PIK3C2G: variants seen among roughly 807,000 people sequenced by gnomAD.
PIK3C2G encodes the protein phosphatidylinositol-4-phosphate 3-kinase catalytic subunit type 2 gamma, also known as phosphatidylinositol 3-kinase C2 domain-containing subunit gamma.
PIK3C2G carries 168 observed loss-of-function variants against 181.1 expected under a neutral mutation model. The observed-to-expected ratio is 0.93, with a 90% CI of 0.82 to 1.05. The LOEUF (loss-of-function observed/expected upper bound fraction) is 1.05, where lower values mean the gene tolerates loss of function less well. Ranked by LOEUF, PIK3C2G falls within the 50% of genes least tolerant of loss-of-function variation. The pLI, the probability that PIK3C2G is intolerant of heterozygous loss-of-function variation, is 0.00. For synonymous variants in PIK3C2G, 573 were observed against 592.2 expected, an observed-to-expected ratio of 0.97 and a Z score of 0.47; for missense variants, 1,869 against 1,732.8, an observed-to-expected ratio of 1.08 and a Z score of -1.40.
chr12:18,253,912 C>T (rs960946264), intron 1 of PIK3C2G, among the ~76,000 whole-genome samples: 1 of 150,252 alleles, frequency 6.7e-6, no homozygotes, highest in Non-Finnish European at 1.5e-5. Context: ...CATCTCATTC[C>T]TCAGATTGCA....
At chr12:18,385,404 A>G (rs1943100726) in intron 14 of PIK3C2G, among the ~76,000 whole-genome samples, 1 of 152,130 alleles carries the variant, frequency 6.6e-6, no homozygotes, top group Non-Finnish European at 1.5e-5. Flanking sequence ...AAGTGGAGGC[A>G]GATAATACAT....
intron 15 of PIK3C2G, 53 bp from the exon 16 acceptor site, chr12:18,399,606 T>C: frequency 8.8e-7 from 1 of 1,135,794 alleles, no homozygotes; most frequent in Non-Finnish European, 1.2e-6. Flanking sequence ...TATAGCAACA[T>C]TTGTTAGTGC....
At chr12:18,398,467 G>A (rs562888175) in intron 15 of PIK3C2G, among the ~76,000 whole-genome samples, 1 of 152,242 alleles carries the variant, frequency 6.6e-6, no homozygotes, top group South Asian at 2.1e-4. Flanking sequence ...ATGAATTATA[G>A]AGAAAGATAG....
chr12:18,401,466 G>C (rs534592155), intron 16 of PIK3C2G, among the ~76,000 whole-genome samples: 1 of 152,170 alleles, frequency 6.6e-6, no homozygotes, highest in East Asian at 1.9e-4. Context: ...CTGTAAAATT[G>C]TTATGCTAAA....
chr12:18,571,411 C>T (rs1281046168), intron 29 of PIK3C2G, among the ~76,000 whole-genome samples: 1 of 150,626 alleles, frequency 6.6e-6, no homozygotes, highest in African/African-American at 2.5e-5. Flanking sequence ...GTCATCTTGA[C>T]TGGTTTTTGT....
the PIK3C2G span, among the ~76,000 whole-genome samples, chr12:18,663,647 A>G: frequency 6.6e-6 from 1 of 152,188 alleles, no homozygotes; most frequent in Non-Finnish European, 1.5e-5. Context: ...AACTCTTAGA[A>G]AAAAAAACAT....
chr12:18,476,221 A>T (rs909025240), intron 18 of PIK3C2G, among the ~76,000 whole-genome samples: 1 of 152,202 alleles, frequency 6.6e-6, no homozygotes, highest in Non-Finnish European at 1.5e-5. Flanking sequence ...ACATTAAAAG[A>T]TACACAGATG....
intron 29 of PIK3C2G, among the ~76,000 whole-genome samples, chr12:18,572,837 A>G (rs191880818): frequency 1.5e-5 from 2 of 137,756 alleles, no homozygotes; most frequent in Non-Finnish European, 2.9e-5. Flanking sequence ...CTTCTGGGTT[A>G]TTAATTCTCT....
chr12:18,272,757 A>G (rs1263108813), intron 1 of PIK3C2G, among the ~76,000 whole-genome samples: 3 of 152,112 alleles, frequency 2.0e-5, no homozygotes, highest in Non-Finnish European at 4.4e-5. Context: ...CTATTGATGT[A>G]CCCTCATATT....
At chr12:18,537,049 G>C (rs1279810333) in intron 24 of PIK3C2G, among the ~76,000 whole-genome samples, 1 of 151,842 alleles carries the variant, frequency 6.6e-6, no homozygotes, top group Non-Finnish European at 1.5e-5. Flanking sequence ...TAAAGATTTT[G>C]CCTGCAATTA....
Position 18,466,506 on chromosome 12 carries a change from A to G in PIK3C2G, c.2505-21943A>G, listed in dbSNP as rs180838753. Reference sequence around the variant, plus strand: ...AACCCTTTTTAAAAGGAAGTTTTACACCACACAATAATATATACATTTTAA... The same window carrying G: ...AACCCTTTTTAAAAGGAAGTTTTACGCCACACAATAATATATACATTTTAA... On this transcript the variant is annotated intron_variant, in intron 18 of 32. Transcript: ENST00000538779. Among the ~76,000 whole-genome samples, 85 of 152,088 alleles carry G rather than the reference A, an allele frequency of 5.6e-4. No individual in the cohort carries two copies. The East Asian group carries it at 0.015, about 27-fold the overall frequency.
At chr12:18,400,904 T>C (rs1201122538) in intron 16 of PIK3C2G, among the ~76,000 whole-genome samples, 1 of 152,064 alleles carries the variant, frequency 6.6e-6, no homozygotes, top group Non-Finnish European at 1.5e-5. Context: ...TATTTGTTTC[T>C]ATTTGAGCTT....
chr12:18,724,031 A>G, the PIK3C2G span, among the ~76,000 whole-genome samples: 1 of 152,124 alleles, frequency 6.6e-6, no homozygotes, highest in Non-Finnish European at 1.5e-5. Flanking sequence ...TACAAACAAG[A>G]TGAGTTCCAA....
intron 25 of PIK3C2G, among the ~76,000 whole-genome samples, chr12:18,544,551 G>T (rs980304641): frequency 6.6e-6 from 1 of 151,812 alleles, no homozygotes; most frequent in Admixed American, 6.6e-5. Context: ...CTGCTGAGGA[G>T]TGTTTTTAAT....
chr12:18,244,153 T>G (rs1948015147), upstream of PIK3C2G, among the ~76,000 whole-genome samples: 1 of 152,002 alleles, frequency 6.6e-6, no homozygotes, highest in Non-Finnish European at 1.5e-5. Flanking sequence ...CAAAATAATT[T>G]TATTCACTAA....
At chr12:18,614,258 G>A (rs1280379977) in intron 31 of PIK3C2G, among the ~76,000 whole-genome samples, 1 of 152,098 alleles carries the variant, frequency 6.6e-6, no homozygotes, top group African/African-American at 2.4e-5. Flanking sequence ...CAAAGCAAAG[G>A]ATAGTGAAGA....
At chr12:18,402,753 G>C (rs1944320045) in intron 16 of PIK3C2G, among the ~76,000 whole-genome samples, 1 of 152,026 alleles carries the variant, frequency 6.6e-6, no homozygotes, top group Non-Finnish European at 1.5e-5. Context: ...TCTGATCCCT[G>C]ATAACTAAGC....
chr12:18,696,132 A>G, the PIK3C2G span: 2 of 1,214,994 alleles, frequency 1.6e-6, no homozygotes, highest in East Asian at 2.4e-5. Context: ...AAACAACTCA[A>G]TATCGTATAT....
intron 16 of PIK3C2G, among the ~76,000 whole-genome samples, chr12:18,408,054 T>C (rs917761594): frequency 1.3e-5 from 2 of 152,176 alleles, no homozygotes; most frequent in Admixed American, 6.5e-5. Flanking sequence ...GATTTGCATC[T>C]CTTAAAGATC....
Sources: allele counts gnomAD v4.1 joint callset (sites outside exome capture counted in the v4.1 genomes callset), GRCh38; gene constraint gnomAD v4.1.1; transcripts MANE v1.5; gene names NCBI Gene and HGNC (gene_info 2026-07-23, HGNC 2026-07-21).